GPATCH1: variants seen among roughly 807,000 people sequenced by gnomAD.
GPATCH1 encodes G patch domain-containing protein 1.
GPATCH1 carries 73 observed loss-of-function variants against 114.9 expected under a neutral mutation model. That is an observed-to-expected ratio of 0.64 (90% CI 0.53 to 0.77). The LOEUF (loss-of-function observed/expected upper bound fraction) is 0.77, where lower values mean the gene tolerates loss of function less well. Ranked by LOEUF, GPATCH1 falls within the 30% of genes least tolerant of loss-of-function variation. The pLI, the probability that GPATCH1 is intolerant of heterozygous loss-of-function variation, is 0.00. For synonymous variants in GPATCH1, 391 were observed against 428.4 expected (o/e 0.91, Z 1.08); for missense variants, 1,058 against 1,144.3 (o/e 0.92, Z 1.09).
At chr19:33,096,596 T>G (rs546172346) in intron 7 of GPATCH1, 150 bp downstream of exon 7, 2 of 682,910 alleles carry the variant, frequency 2.9e-6, no homozygotes, top group Admixed American at 3.4e-5. Context: ...TAAAATGCAT[T>G]TTTAAAATGG....
At position 33,112,472 on chromosome 19, in the gene GPATCH1, A is replaced by C. The variant is rs1362386390; in HGVS notation, c.1765-14A>C. ...GCGGCCACTTGATGGAACAGAATGC[A>C]TGTCTTTTTCCAGAATGATGTCGGG... On this transcript the variant is annotated splice_polypyrimidine_tract_variant and intron_variant, in intron 12 of 19. Transcript: ENST00000170564. 6.2e-7 allele frequency: 1 copy of C among 1,613,760 alleles called. No individual in the cohort carries two copies. Among genetic ancestry groups the C allele is most frequent in the Non-Finnish European group, 8.5e-7 (1 of 1,179,910 alleles).
Position 33,117,865 on chromosome 19 carries a change from G to A in GPATCH1, c.2237G>A (p.Gly746Glu). 6.2e-7 allele frequency: 1 copy of A among 1,613,902 alleles called. No homozygotes were observed. The highest frequency in any genetic ancestry group is 8.5e-7 in the Non-Finnish European group (1 of 1,179,960). ...GTGGACGCACAGGCTGAAGGAGAAG[G>A]GAGCCGCCCATCCATGGACTTATTC... Reference protein sequence around the residue: ...KDVDAQAEGEGSRPSMDLFRA... With the variant: ...KDVDAQAEGEESRPSMDLFRA... The change falls in exon 16 of 20, where the codon GGG (glycine) becomes GAG (glutamate). Residue 746 changes from glycine (G) to glutamate (E), a missense_variant. By Grantham distance (98) the Gly-to-Glu change is moderately conservative. This residue lies in a region of GPATCH1 where 893 missense variants were observed against 977.4 expected (regional missense o/e 0.91). Coordinates refer to ENST00000170564, the MANE Select transcript of GPATCH1 (RefSeq NM_018025.3).
At chr19:33,126,463 T>G in intron 18 of GPATCH1, 125 bp from the exon 19 acceptor site, 1 of 1,423,890 alleles carries the variant, frequency 7.0e-7, no homozygotes, top group Non-Finnish European at 9.4e-7. Context: ...TCTCACTCAC[T>G]CTAAATGAGG....
chr19:33,128,986 G>A lies in GPATCH1; in HGVS notation c.2766-1144G>A, dbSNP rs117022221. Among the ~76,000 whole-genome samples, 933 of 152,162 alleles carry A rather than the reference G, an allele frequency of 6.1e-3. 6 individuals are homozygous for A. Among genetic ancestry groups the A allele is most frequent in the Non-Finnish European group, 9.2e-3 (625 of 67,998 alleles). ...ATTTAGGCCAGGTGCGGTATCTCAC[G>A]TCTGTAATCCCAGCACTCTGGGAGG... On this transcript the variant is annotated intron_variant, in intron 19 of 19. Transcript: ENST00000170564.
rs567899977 is a variant in GPATCH1 at position 33,105,510 on chromosome 19, TAC to T, written c.1081-1183_1081-1182del. Among the ~76,000 whole-genome samples, 84 of 151,460 alleles carry T rather than the reference TAC, an allele frequency of 5.5e-4. 1 individual carries two copies. The highest frequency in any genetic ancestry group is 3.4e-3 in the Middle Eastern group (1 of 292). On this transcript the variant is annotated intron_variant, in intron 9 of 19. Coordinates refer to ENST00000170564, the MANE Select transcript of GPATCH1 (RefSeq NM_018025.3). ...AAATAATTATGAATTTAAAAATAAC[TAC>T]AGTTATTATTATTATTAATTATTAT... is the stretch of plus-strand genomic sequence containing the variant.
At position 33,089,604 on chromosome 19, in the gene GPATCH1, G is replaced by A. The variant is rs376502702; in HGVS notation, c.209-1176G>A. Reference sequence around the variant, plus strand: ...CATAGCAATTATCAAGAAAAAGATGGGCTAGATCTTTTATAATTTTTTTTT... The same window carrying A: ...CATAGCAATTATCAAGAAAAAGATGAGCTAGATCTTTTATAATTTTTTTTT... On this transcript the variant is annotated intron_variant, in intron 2 of 19. Transcript: ENST00000170564. 2.2e-3 allele frequency among the ~76,000 whole-genome samples: 333 copies of A among 149,700 alleles called. 2 individuals are homozygous for A. The highest frequency in any genetic ancestry group is 0.012 in the South Asian group (58 of 4,648).
chr19:33,090,345 C>A (rs1391461378), intron 2 of GPATCH1, among the ~76,000 whole-genome samples: 1 of 152,174 alleles, frequency 6.6e-6, no homozygotes. Context: ...CTGATTAAAA[C>A]ACCTTGACAT....
Position 33,097,819 on chromosome 19 carries a change from A to G in GPATCH1, c.917A>G (p.Lys306Arg), listed in dbSNP as rs1235974158. The G allele has an allele frequency of 1.9e-6, 3 of 1,613,630 alleles. No individual in the cohort carries two copies. Among genetic ancestry groups the G allele is most frequent in the Non-Finnish European group, 2.5e-6 (3 of 1,179,644 alleles). The change falls in exon 8 of 20, where the codon AAG becomes AGG. Residue 306 changes from lysine to arginine, a missense_variant. Lys to Arg is a conservative substitution (Grantham distance 26). Around this residue, in one of 3 missense-constraint regions of GPATCH1, gnomAD observed 893 missense variants for 977.4 expected, o/e 0.91. Transcript: ENST00000170564. ...DDIYATETLS[K>R]YDTVLKDEEP... ...ATCTATGCCACAGAAACTCTATCCA[A>G]GTATGACACTGTTCTGAAGGACGAG...
At chr19:33,127,882 TA>T (rs1025114149) in intron 19 of GPATCH1, among the ~76,000 whole-genome samples, 3 of 151,374 alleles carry the variant, frequency 2.0e-5, no homozygotes, top group African/African-American at 7.3e-5. Context: ...CTAATTTTTG[TA>T]TTTTGTATTT....
chr19:33,125,182 C>T lies in GPATCH1; in HGVS notation c.2599C>T (p.His867Tyr). ...NKDKHKAKKE[H>Y]RRKKEKKKKH... is the part of the protein sequence containing the mutation. Reference sequence around the variant, plus strand: ...AGACAAGCACAAGGCCAAGAAAGAGCACAGGCGGAAGAAAGAGAAGGTGAG... The same window carrying T: ...AGACAAGCACAAGGCCAAGAAAGAGTACAGGCGGAAGAAAGAGAAGGTGAG... The change falls in exon 18 of 20, where the codon CAC becomes TAC. Residue 867 changes from histidine (H) to tyrosine (Y), a missense_variant. By Grantham distance (83) the His-to-Tyr change is moderately conservative (BLOSUM62 2). This residue lies in a region of GPATCH1 where 893 missense variants were observed against 977.4 expected (regional missense o/e 0.91). Coordinates refer to ENST00000170564, the MANE Select transcript of GPATCH1 (RefSeq NM_018025.3). The T allele has an allele frequency of 6.3e-7, 1 of 1,594,866 alleles. No individual in the cohort carries two copies. The highest frequency in any genetic ancestry group is 8.5e-7 in the Non-Finnish European group (1 of 1,170,724).
intron 15 of GPATCH1, among the ~76,000 whole-genome samples, chr19:33,116,695 A>T (rs910499133): frequency 2.6e-5 from 4 of 151,958 alleles, no homozygotes; most frequent in African/African-American, 9.7e-5. Flanking sequence ...ACGCCTGGCT[A>T]ATTTTTTGTA....
At position 33,097,895 on chromosome 19, in the gene GPATCH1, C is replaced by T. The variant is rs767517571; in HGVS notation, c.993C>T (p.Asn331=). 3.1e-6 allele frequency: 5 copies of T among 1,613,654 alleles called. No homozygotes were observed. The African/African-American group carries it at 6.7e-5, about 22-fold the overall frequency. Residue 331 remains asparagine, a synonymous_variant, in exon 8 of 20, where the codon AAC becomes AAT. Transcript: ENST00000170564. ...YGWTAPRQYK[N]QKESEKDLRY... Reference sequence around the variant, plus strand: ...GGACAGCACCCAGGCAGTATAAAAACCAGAAAGGTAATTCGACAGCCACAA... The same window carrying T: ...GGACAGCACCCAGGCAGTATAAAAATCAGAAAGGTAATTCGACAGCCACAA...
chr19:33,094,346 T>C, intron 5 of GPATCH1, 77 bp downstream of exon 5: 1 of 805,596 alleles, frequency 1.2e-6, no homozygotes, highest in Non-Finnish European at 2.1e-6. Flanking sequence ...GGTCTTGCTC[T>C]GTCGCCCAGG....
At chr19:33,113,626 G>C (rs764887120) in intron 13 of GPATCH1, 141 bp from the exon 14 acceptor site, 4 of 618,876 alleles carry the variant, frequency 6.5e-6, no homozygotes, top group Non-Finnish European at 1.1e-5. Context: ...CCAGATTCTC[G>C]AACTGCTTTG....
chr19:33,127,057 C>T (rs11672482), intron 19 of GPATCH1, among the ~76,000 whole-genome samples: 20,483 of 151,818 alleles, frequency 0.13, 1,705 homozygotes, highest in East Asian at 0.35. Flanking sequence ...ATCTGTTGAG[C>T]CCGGGAGTTG....
chr19:33,120,072 A>T (rs896766144), intron 17 of GPATCH1, among the ~76,000 whole-genome samples: 2 of 135,618 alleles, frequency 1.5e-5, no homozygotes, highest in Non-Finnish European at 1.6e-5. Context: ...TATATATATA[A>T]AATATAAATT....
At chr19:33,088,113 T>TG in intron 1 of GPATCH1, 21 bp from the exon 2 acceptor site, 3 of 61,638 alleles carry the variant, frequency 4.9e-5, no homozygotes, top group Non-Finnish European at 7.5e-5. Flanking sequence ...TTTAAAAAAC[T>TG]TTTTTTTTTT....
At chr19:33,096,948 C>CT (rs201015806) in intron 7 of GPATCH1, among the ~76,000 whole-genome samples, 18,581 of 138,152 alleles carry the variant, frequency 0.13, 1,519 homozygotes, top group East Asian at 0.34. Context: ...TTCTTTCTTT[C>CT]TTTCTTTTTT....
intron 1 of GPATCH1, among the ~76,000 whole-genome samples, chr19:33,087,927 G>A (rs1221895894): frequency 6.6e-6 from 1 of 151,776 alleles, no homozygotes; most frequent in Non-Finnish European, 1.5e-5. Flanking sequence ...GGAAAAGAGG[G>A]CAATCATTAT....
Sources: allele counts gnomAD v4.1 joint callset (sites outside exome capture counted in the v4.1 genomes callset), GRCh38; gene constraint gnomAD v4.1.1; regional missense constraint gnomAD v4.1.1; transcripts MANE v1.5; gene names NCBI Gene and HGNC (gene_info 2026-07-23, HGNC 2026-07-21).